POT1: variants seen among roughly 807,000 people sequenced by gnomAD.
The protein encoded by POT1 is protection of telomeres 1.
Under a neutral mutation model 78.5 loss-of-function variants are expected in POT1, and 47 were observed. That is an observed-to-expected ratio of 0.60 (90% CI 0.47 to 0.76). The LOEUF (loss-of-function observed/expected upper bound fraction) is 0.76, where lower values mean the gene tolerates loss of function less well. Among genes scored for constraint, POT1 ranks in the 30% least tolerant of loss-of-function variants. The pLI, the probability that POT1 is intolerant of heterozygous loss-of-function variation, is 0.00. For synonymous variants in POT1, 259 were observed against 260.7 expected, an observed-to-expected ratio of 0.99 and a Z score of 0.06; for missense variants, 646 against 749.9, an observed-to-expected ratio of 0.86 and a Z score of 1.62.
At chr7:124,866,758 T>C (rs970353499) in intron 7 of POT1, among the ~76,000 whole-genome samples, 1 of 152,158 alleles carries the variant, frequency 6.6e-6, no homozygotes, top group Non-Finnish European at 1.5e-5. Context: ...TCTCTGATCA[T>C]AGCTACCCAT....
At position 124,858,956 on chromosome 7, in the gene POT1, C is replaced by T. The variant is rs2116525031; in HGVS notation, c.702+1G>A. 1.9e-6 allele frequency: 3 copies of T among 1,596,960 alleles called. No individual in the cohort carries two copies. Among genetic ancestry groups the T allele is most frequent in the South Asian group, 2.3e-5 (2 of 87,638 alleles). Reference sequence around the variant, plus strand: ...TAACATTTTTTCCTACTATACATCACCTTCAGAGATCTTGCCACATGAACA... The same window carrying T: ...TAACATTTTTTCCTACTATACATCATCTTCAGAGATCTTGCCACATGAACA... On this transcript the variant is annotated splice_donor_variant, in intron 9 of 18. Transcript: ENST00000357628. LOFTEE classifies it high-confidence loss of function.
intron 3 of POT1, among the ~76,000 whole-genome samples, chr7:124,899,543 T>C (rs1206249609): frequency 1.3e-5 from 2 of 152,176 alleles, no homozygotes; most frequent in Non-Finnish European, 2.9e-5. Flanking sequence ...GGAATAAAAA[T>C]AACAACTGAG....
chr7:124,895,761 AAC>A (rs1796477573), intron 5 of POT1, among the ~76,000 whole-genome samples: 1 of 151,694 alleles, frequency 6.6e-6, no homozygotes, highest in African/African-American at 2.4e-5. Flanking sequence ...TGAGATAAGC[AAC>A]AGTGTTCCAA....
intron 3 of POT1, among the ~76,000 whole-genome samples, chr7:124,911,248 G>A (rs999575479): frequency 5.3e-5 from 8 of 151,990 alleles, no homozygotes; most frequent in Non-Finnish European, 1.0e-4. Context: ...ACTAACAAAA[G>A]CACCTTATCA....
At chr7:124,893,032 T>C (rs1452537641) in intron 5 of POT1, among the ~76,000 whole-genome samples, 1 of 151,426 alleles carries the variant, frequency 6.6e-6, no homozygotes, top group Non-Finnish European at 1.5e-5. Flanking sequence ...CTTGTAAGTT[T>C]AGAAAACTTT....
rs75352205 is a variant in POT1 at position 124,869,234 on chromosome 7, C to T, written c.255+1677G>A. Among the ~76,000 whole-genome samples the T allele has an allele frequency of 3.0e-3, 456 of 152,108 alleles. 2 individuals are homozygous for T. Among genetic ancestry groups the T allele is most frequent in the South Asian group, 0.013 (62 of 4,810 alleles). ...TGAAAAAAGTCTGCATATAAGTGTACCCATGTAGTTCAAACCTGTGTTGTT... is the reference window on the plus strand; with the variant it reads ...TGAAAAAAGTCTGCATATAAGTGTATCCATGTAGTTCAAACCTGTGTTGTT... On this transcript the variant is annotated intron_variant, in intron 7 of 18. Transcript: ENST00000357628.
At chr7:124,867,245 AAAG>A (rs1795750545) in intron 7 of POT1, among the ~76,000 whole-genome samples, 1 of 152,122 alleles carries the variant, frequency 6.6e-6, no homozygotes, top group Non-Finnish European at 1.5e-5. Context: ...ATAGCCTTCT[AAAG>A]AATATCTTTG....
At chr7:124,844,515 T>TC (rs1411753391) in intron 12 of POT1, among the ~76,000 whole-genome samples, 2 of 149,276 alleles carry the variant, frequency 1.3e-5, no homozygotes, top group African/African-American at 2.4e-5. Context: ...GGCGGGTAGA[T>TC]CACGAGGTCA....
chr7:124,883,019 T>C (rs1245480805), intron 6 of POT1, among the ~76,000 whole-genome samples: 1 of 152,054 alleles, frequency 6.6e-6, no homozygotes, highest in Non-Finnish European at 1.5e-5. Flanking sequence ...AGGGGAGGCT[T>C]GTCTCAACTA....
chr7:124,921,784 T>C (rs542916088), intron 2 of POT1, among the ~76,000 whole-genome samples: 2 of 152,054 alleles, frequency 1.3e-5, no homozygotes, highest in Non-Finnish European at 2.9e-5. Flanking sequence ...CAGAGATCCG[T>C]GTTACAGTAT....
At chr7:124,865,144 G>C (rs1191436228) in intron 7 of POT1, among the ~76,000 whole-genome samples, 1 of 151,902 alleles carries the variant, frequency 6.6e-6, no homozygotes, top group Non-Finnish European at 1.5e-5. Flanking sequence ...TGTTCTCTGG[G>C]TGTCACTGTC....
At chr7:124,884,842 C>A (rs1796205972) in intron 6 of POT1, among the ~76,000 whole-genome samples, 1 of 152,108 alleles carries the variant, frequency 6.6e-6, no homozygotes, top group Non-Finnish European at 1.5e-5. Context: ...GGTCTGAATA[C>A]ATTTGTTTTA....
chr7:124,833,777 G>A (rs1010094861), intron 15 of POT1, among the ~76,000 whole-genome samples: 4 of 152,142 alleles, frequency 2.6e-5, no homozygotes, highest in African/African-American at 7.2e-5. Context: ...CACACATTGC[G>A]TGTACTCTCA....
At chr7:124,860,275 C>T (rs1366357772) in intron 8 of POT1, among the ~76,000 whole-genome samples, 2 of 151,924 alleles carry the variant, frequency 1.3e-5, no homozygotes, top group Non-Finnish European at 2.9e-5. Context: ...ACTAAATAGA[C>T]CATCATGAAA....
In POT1 at chr7:124,834,946, A is replaced by C. The variant is rs1486773099; in HGVS notation, c.1505+333T>G. ...GGATGAGTTCATGTCCTTGCCAGGC[A>C]TATGGATAAAGCCGGAAACCATCAT... On this transcript the variant is annotated intron_variant, in intron 15 of 18. Coordinates refer to ENST00000357628, the MANE Select transcript of POT1 (RefSeq NM_015450.3). 2.0e-5 allele frequency among the ~76,000 whole-genome samples: 3 copies of C among 152,306 alleles called. No individual in the cohort carries two copies. In the East Asian group the frequency reaches 5.8e-4, roughly 29 times the overall value.
Position 124,853,043 on chromosome 7 carries a change from A to G in POT1, c.798T>C (p.His266=). The change falls in exon 10 of 19, where the codon CAT becomes CAC. Residue 266 remains histidine, a synonymous_variant. Coordinates refer to ENST00000357628, the MANE Select transcript of POT1 (RefSeq NM_015450.3). ...QTMLSLEFHL[H]GGTSYGRGIR... ...TTCCCCGACCGTAACTGGTACCTCC[A>G]TGAAGATGAAACTCTAAACTTAACA... The G allele has an allele frequency of 6.2e-7, 1 of 1,613,012 alleles. No individual in the cohort carries two copies. The highest frequency in any genetic ancestry group is 8.5e-7 in the Non-Finnish European group (1 of 1,179,046).
chr7:124,857,034 C>T (rs1339462517), intron 9 of POT1, among the ~76,000 whole-genome samples: 2 of 152,082 alleles, frequency 1.3e-5, no homozygotes, highest in East Asian at 3.9e-4. Flanking sequence ...AGTAAACTTA[C>T]TTGGTTTGTT....
At chr7:124,882,065 A>G (rs1796132012) in intron 6 of POT1, among the ~76,000 whole-genome samples, 1 of 152,024 alleles carries the variant, frequency 6.6e-6, no homozygotes, top group South Asian at 2.1e-4. Flanking sequence ...GAGCAATTCA[A>G]CGAATTGACT....
intron 8 of POT1, among the ~76,000 whole-genome samples, chr7:124,862,394 T>C (rs774028568): frequency 3.3e-5 from 5 of 152,226 alleles, no homozygotes; most frequent in South Asian, 2.1e-4. Flanking sequence ...TGCCAGAGTA[T>C]GACTGGTTGA....
Sources: allele counts gnomAD v4.1 joint callset (sites outside exome capture counted in the v4.1 genomes callset), GRCh38; gene constraint gnomAD v4.1.1; transcripts MANE v1.5; gene names NCBI Gene and HGNC (gene_info 2026-07-23, HGNC 2026-07-21).